SLC25A42: variants seen among roughly 807,000 people sequenced by gnomAD.
SLC25A42 encodes the protein mitochondrial coenzyme A transporter SLC25A42.
Under a neutral mutation model 34.7 loss-of-function variants are expected in SLC25A42, and 19 were observed. The observed-to-expected ratio is 0.55, with a 90% CI of 0.38 to 0.80. The LOEUF (loss-of-function observed/expected upper bound fraction) is 0.80, where lower values mean the gene tolerates loss of function less well. Among genes scored for constraint, SLC25A42 ranks in the 30% least tolerant of loss-of-function variants. The probability of loss-of-function intolerance (pLI) is 0.00; values close to 1 mark genes in which losing one functional copy is unlikely to be tolerated. For missense variants in SLC25A42, 364 were observed against 441.3 expected, an observed-to-expected ratio of 0.82 and a Z score of 1.57; for synonymous variants, 205 against 191.2, an observed-to-expected ratio of 1.07 and a Z score of -0.59.
Position 19,096,075 on chromosome 19 carries a change from C to G in SLC25A42, c.-34-16C>G. The G allele has an allele frequency of 1.3e-6, 2 of 1,525,014 alleles. No homozygotes were observed. The highest frequency in any genetic ancestry group is 1.8e-6 in the Non-Finnish European group (2 of 1,101,856). 94.5% of individuals were successfully genotyped at this position (1,525,014 alleles called of 1,614,324 possible). A position where few individuals can be genotyped will look rare whatever the true frequency, so the allele number is the denominator to read the frequency against. On this transcript the variant is annotated splice_polypyrimidine_tract_variant and intron_variant, in intron 1 of 7. Transcript: ENST00000318596. ...AGGATCTCGCCGTATCTTACCACCT[C>G]CCCTTACCCCCCCAGGACCGAGTCT...
At chr19:19,076,542 C>T (rs771945688) in intron 1 of SLC25A42, among the ~76,000 whole-genome samples, 28 of 152,168 alleles carry the variant, frequency 1.8e-4, no homozygotes, top group Non-Finnish European at 3.2e-4. Context: ...AACACGTCCA[C>T]TCCCAAAGGC....
chr19:19,089,697 G>T (rs755124426), intron 1 of SLC25A42, among the ~76,000 whole-genome samples: 126 of 151,808 alleles, frequency 8.3e-4, no homozygotes, highest in Admixed American at 1.7e-3. Context: ...GTGAAACCCC[G>T]TCTCTACAGA....
chr19:19,070,877 GC>G (rs1028892781), intron 1 of SLC25A42, among the ~76,000 whole-genome samples: 4 of 152,008 alleles, frequency 2.6e-5, no homozygotes, highest in Non-Finnish European at 5.9e-5. Context: ...ACATTCCTCA[GC>G]CCCTCCAGAT....
chr19:19,078,016 C>T (rs769524484), intron 1 of SLC25A42, among the ~76,000 whole-genome samples: 1 of 152,190 alleles, frequency 6.6e-6, no homozygotes, highest in African/African-American at 2.4e-5. Flanking sequence ...AGTGTCCCAT[C>T]GTGGGACATA....
At chr19:19,074,879 A>G (rs1164565045) in intron 1 of SLC25A42, among the ~76,000 whole-genome samples, 2 of 152,150 alleles carry the variant, frequency 1.3e-5, no homozygotes, top group Non-Finnish European at 2.9e-5. Flanking sequence ...GGCTGGGCGC[A>G]GTGGTTCACA....
At chr19:19,096,469 A>AGGAC (rs2059766312) in intron 2 of SLC25A42, among the ~76,000 whole-genome samples, 1 of 152,054 alleles carries the variant, frequency 6.6e-6, no homozygotes. Flanking sequence ...CATGGGATGG[A>AGGAC]GGACGCCAGC....
At chr19:19,102,937 C>CTAG (rs1229117246) in intron 3 of SLC25A42, among the ~76,000 whole-genome samples, 16 of 152,060 alleles carry the variant, frequency 1.1e-4, no homozygotes, top group African/African-American at 3.9e-4. Flanking sequence ...CCTCCAGAGG[C>CTAG]TCTAGGGGAG....
rs2059873563 is a variant in SLC25A42 at position 19,112,863 on chromosome 19, A to G, written c.*1987A>G. 1 of 152,682 alleles carries G rather than the reference A, an allele frequency of 6.5e-6. No homozygotes were observed. The highest frequency in any genetic ancestry group is 2.4e-5 in the African/African-American group (1 of 41,448). 9.5% of individuals were successfully genotyped at this position (152,682 alleles called of 1,614,324 possible). ...TTAAAGATTTGTGCCAAGAGAGTATATTTAATAAAAACTTAAATGACTTCT... is the reference window on the plus strand; with the variant it reads ...TTAAAGATTTGTGCCAAGAGAGTATGTTTAATAAAAACTTAAATGACTTCT... On this transcript the variant is annotated 3_prime_UTR_variant, in exon 8 of 8. Coordinates refer to ENST00000318596, the MANE Select transcript of SLC25A42 (RefSeq NM_178526.5). The surrounding 1 kb of genome is among the most constrained non-coding windows in gnomAD (Gnocchi z 4.3).
chr19:19,108,942 G>T (rs758041467), intron 7 of SLC25A42, among the ~76,000 whole-genome samples: 23 of 151,596 alleles, frequency 1.5e-4, no homozygotes, highest in Non-Finnish European at 2.8e-4. Flanking sequence ...GACATTTTTT[G>T]TCAAAGAAAT....
At chr19:19,089,996 T>C (rs2059729842) in intron 1 of SLC25A42, among the ~76,000 whole-genome samples, 1 of 152,248 alleles carries the variant, frequency 6.6e-6, no homozygotes, top group Non-Finnish European at 1.5e-5. Flanking sequence ...TTCTGAGCTT[T>C]CCTTGGGCCC....
At chr19:19,093,288 T>C (rs1262787009) in intron 1 of SLC25A42, among the ~76,000 whole-genome samples, 1 of 152,192 alleles carries the variant, frequency 6.6e-6, no homozygotes, top group Non-Finnish European at 1.5e-5. Flanking sequence ...AGTGCTGGGA[T>C]TCCAGGTGCG....
At chr19:19,105,178 T>A in intron 4 of SLC25A42, 1 of 593,140 alleles carries the variant, frequency 1.7e-6, no homozygotes, top group East Asian at 2.8e-5. Context: ...CATGTTTGAT[T>A]TATTGTTAAA....
At chr19:19,079,159 G>T (rs112216662) in intron 1 of SLC25A42, among the ~76,000 whole-genome samples, 1 of 151,890 alleles carries the variant, frequency 6.6e-6, no homozygotes, top group Admixed American at 6.6e-5. Context: ...TGGTTCAAGC[G>T]ATTCTCCTGC....
chr19:19,095,800 G>A (rs905979057), intron 1 of SLC25A42: 28 of 424,332 alleles, frequency 6.6e-5, no homozygotes, highest in South Asian at 8.0e-5. Context: ...CCCACAACCC[G>A]CTGGTAGCTG....
At chr19:19,069,559 A>T (rs2059618935) in intron 1 of SLC25A42, among the ~76,000 whole-genome samples, 1 of 152,214 alleles carries the variant, frequency 6.6e-6, no homozygotes, top group South Asian at 2.1e-4. Flanking sequence ...TTCTCCGGGC[A>T]AACTTTGAAG....
At chr19:19,108,126 C>G (rs2059843688) in intron 7 of SLC25A42, 81 bp downstream of exon 7, 1 of 1,475,512 alleles carries the variant, frequency 6.8e-7, no homozygotes, top group African/African-American at 1.4e-5. Context: ...GTCACATAGA[C>G]CTGGAGACCA....
At chr19:19,085,495 C>T (rs554404431) in intron 1 of SLC25A42, among the ~76,000 whole-genome samples, 4 of 152,232 alleles carry the variant, frequency 2.6e-5, no homozygotes, top group African/African-American at 9.6e-5. Context: ...TCTTCTCCTG[C>T]CTCAGCCTCC....
intron 3 of SLC25A42, among the ~76,000 whole-genome samples, chr19:19,104,461 G>A (rs868466272): frequency 6.6e-6 from 1 of 152,246 alleles, no homozygotes; most frequent in Non-Finnish European, 1.5e-5. Context: ...ATGCCCAAGG[G>A]CAGCACAGAG....
intron 1 of SLC25A42, among the ~76,000 whole-genome samples, chr19:19,088,506 C>G (rs899959649): frequency 6.8e-6 from 1 of 147,472 alleles, no homozygotes; most frequent in Admixed American, 6.8e-5. Context: ...GCGCCTGGCC[C>G]GAGACGGAGT....
Sources: gnomAD v4.1 joint callset for allele counts (sites outside exome capture counted in the v4.1 genomes callset) on GRCh38, gnomAD v4.1.1 for gene constraint, Gnocchi (gnomAD v3.1) non-coding constraint, MANE v1.5 for transcripts, NCBI Gene and HGNC (gene_info 2026-07-23, HGNC 2026-07-21) for gene names.